SUGCT: variants seen among roughly 807,000 people sequenced by gnomAD.
SUGCT encodes succinyl-CoA:glutarate CoA-transferase.
A neutral mutation model predicts 55.0 loss-of-function variants in SUGCT; 41 were observed. That is an observed-to-expected ratio of 0.74 (90% CI 0.58 to 0.97). SUGCT has a LOEUF of 0.97. Among genes scored for constraint, SUGCT ranks in the 50% least tolerant of loss-of-function variants. SUGCT has a pLI of 0.00. For synonymous variants in SUGCT, 187 were observed against 200.4 expected (o/e 0.93, Z 0.56); for missense variants, 568 against 547.8 (o/e 1.04, Z -0.37).
At chr7:40,268,794 G>A (rs181219929) in intron 7 of SUGCT, among the ~76,000 whole-genome samples, 10 of 151,964 alleles carry the variant, frequency 6.6e-5, no homozygotes, top group African/African-American at 1.9e-4. Flanking sequence ...GTGCACCACC[G>A]TGCCCGGTTA....
At chr7:40,990,966 TC>T in the SUGCT span, among the ~76,000 whole-genome samples, 1 of 152,244 alleles carries the variant, frequency 6.6e-6, no homozygotes, top group South Asian at 2.1e-4. Flanking sequence ...TCATACTTTC[TC>T]CATATCAGCA....
intron 1 of SUGCT, among the ~76,000 whole-genome samples, chr7:40,137,090 G>A (rs540625077): frequency 6.6e-6 from 1 of 152,188 alleles, no homozygotes; most frequent in Non-Finnish European, 1.5e-5. Context: ...AGGGGAGGGG[G>A]CAGAAAAGTG....
chr7:40,501,249 C>T (rs539754541), intron 12 of SUGCT, among the ~76,000 whole-genome samples: 75 of 152,162 alleles, frequency 4.9e-4, no homozygotes, highest in African/African-American at 1.7e-3. Context: ...TTTGTTTTAT[C>T]ATCCCTGGGT....
chr7:40,335,233 C>T (rs1287005817), intron 9 of SUGCT, among the ~76,000 whole-genome samples: 2 of 152,178 alleles, frequency 1.3e-5, no homozygotes, highest in Non-Finnish European at 1.5e-5. Flanking sequence ...CTTGGCAATG[C>T]AGGCCCTTTT....
At chr7:40,596,133 G>A (rs1234577065) in intron 12 of SUGCT, among the ~76,000 whole-genome samples, 1 of 152,108 alleles carries the variant, frequency 6.6e-6, no homozygotes, top group East Asian at 1.9e-4. Flanking sequence ...TATGAGCTGT[G>A]TGACTTACTT....
chr7:40,945,994 A>G, the SUGCT span, among the ~76,000 whole-genome samples: 1 of 152,186 alleles, frequency 6.6e-6, no homozygotes, highest in Non-Finnish European at 1.5e-5. Context: ...AAATAGCTGT[A>G]GAGTGTTGGC....
chr7:40,829,134 C>T (rs923514807), intron 13 of SUGCT, among the ~76,000 whole-genome samples: 3 of 152,130 alleles, frequency 2.0e-5, no homozygotes, highest in Admixed American at 6.5e-5. Flanking sequence ...TGGCAACAAC[C>T]CAGAAGTTTC....
intron 7 of SUGCT, among the ~76,000 whole-genome samples, chr7:40,242,941 T>A (rs1228757896): frequency 1.4e-3 from 79 of 55,620 alleles, no homozygotes; most frequent in Non-Finnish European, 1.8e-3. Flanking sequence ...ATATTTTTTT[T>A]TTTTTTTTTT....
rs369167019 is a variant in SUGCT, at chr7:40,272,068, G to GCTCT, written c.577-2420_577-2417dup. Among the ~76,000 whole-genome samples the GCTCT allele has an allele frequency of 8.4e-4, 78 of 92,994 alleles. 1 individual carries two copies. In the East Asian group the frequency reaches 0.015, roughly 17 times the overall value. The allele number at this position is 92,994 out of a possible 152,430, so 61.0% of individuals were successfully genotyped here. ...AATAATATTCCTCTCTCTCTGTCTC[G>GCTCT]CTCTCTCTCTCTCTCTCTCTCTCTC... On this transcript the variant is annotated intron_variant, in intron 7 of 13. Transcript: ENST00000335693.
chr7:40,495,402 T>C (rs1459477677), intron 11 of SUGCT, among the ~76,000 whole-genome samples: 1 of 152,150 alleles, frequency 6.6e-6, no homozygotes, highest in Non-Finnish European at 1.5e-5. Flanking sequence ...CTACTTTGGC[T>C]AATATTTTAA....
At chr7:40,772,321 A>T (rs1789146993) in intron 13 of SUGCT, among the ~76,000 whole-genome samples, 1 of 152,150 alleles carries the variant, frequency 6.6e-6, no homozygotes, top group Admixed American at 6.5e-5. Context: ...GGTTACAGAT[A>T]AAAGCCTTTA....
At chr7:40,369,061 G>T (rs1438035555) in intron 9 of SUGCT, among the ~76,000 whole-genome samples, 1 of 151,554 alleles carries the variant, frequency 6.6e-6, no homozygotes, top group East Asian at 1.9e-4. Context: ...CTGAGATCAC[G>T]CCATTGTACT....
At chr7:40,530,107 G>A (rs536242906) in intron 12 of SUGCT, among the ~76,000 whole-genome samples, 2 of 152,050 alleles carry the variant, frequency 1.3e-5, no homozygotes, top group African/African-American at 2.4e-5. Flanking sequence ...TCTGTGTCAC[G>A]CAATTCCCTA....
intron 9 of SUGCT, among the ~76,000 whole-genome samples, chr7:40,350,460 A>G (rs1797565844): frequency 1.3e-5 from 2 of 149,682 alleles, no homozygotes; most frequent in African/African-American, 4.9e-5. Context: ...ACTACAGGTG[A>G]CCACCGCCAC....
intron 8 of SUGCT, among the ~76,000 whole-genome samples, chr7:40,291,536 A>G (rs1793768746): frequency 6.7e-6 from 1 of 149,546 alleles, no homozygotes; most frequent in Non-Finnish European, 1.5e-5. Context: ...GGATAGCATT[A>G]GGAGATATAC....
At chr7:40,810,519 A>G (rs1036412970) in intron 13 of SUGCT, among the ~76,000 whole-genome samples, 3 of 152,094 alleles carry the variant, frequency 2.0e-5, no homozygotes, top group African/African-American at 7.2e-5. Context: ...ATGATTAGTG[A>G]TGTGGAGCAT....
intron 12 of SUGCT, among the ~76,000 whole-genome samples, chr7:40,574,773 T>G (rs1036696003): frequency 1.3e-5 from 2 of 152,216 alleles, no homozygotes; most frequent in Non-Finnish European, 2.9e-5. Context: ...TGAATCAGCT[T>G]CCTACTTTTT....
Position 40,320,819 on chromosome 7 carries a change from C to T in SUGCT, c.816+3964C>T, listed in dbSNP as rs888424363. On this transcript the variant is annotated intron_variant, in intron 9 of 13. Transcript: ENST00000335693. ...TTTTAAAATTAGATTTTAGAGCATACAAGTGCAGGTTTGTTACATGCAAAT... is the reference window on the plus strand; with the variant it reads ...TTTTAAAATTAGATTTTAGAGCATATAAGTGCAGGTTTGTTACATGCAAAT... 3.3e-5 allele frequency among the ~76,000 whole-genome samples: 5 copies of T among 152,264 alleles called. No homozygotes were observed. In the East Asian group the frequency reaches 5.8e-4, roughly 18 times the overall value.
rs1337753839 is a variant in SUGCT, at chr7:40,802,402, G to C, written c.1153+52905G>C. On this transcript the variant is annotated intron_variant, in intron 13 of 13. Transcript: ENST00000335693. ...TTACAATGTGATCATCACCAAAATG[G>C]CATTTAAAACCCCCCAAAGCCTCTT... Among the ~76,000 whole-genome samples, 3 of 152,012 alleles carry C rather than the reference G, an allele frequency of 2.0e-5. No individual in the cohort carries two copies. In the South Asian group the frequency reaches 6.2e-4, roughly 32 times the overall value.
Sources: allele counts gnomAD v4.1 joint callset (sites outside exome capture counted in the v4.1 genomes callset), GRCh38; gene constraint gnomAD v4.1.1; transcripts MANE v1.5; gene names NCBI Gene and HGNC (gene_info 2026-07-23, HGNC 2026-07-21).